METTL24: variants seen among roughly 807,000 people sequenced by gnomAD.
The protein encoded by METTL24 is methyltransferase like 24, also known as probable methyltransferase-like protein 24.
METTL24 carries 29 observed loss-of-function variants against 32.7 expected under a neutral mutation model. The observed-to-expected ratio is 0.89, with a 90% CI of 0.66 to 1.21. The LOEUF (loss-of-function observed/expected upper bound fraction) is 1.21, where lower values mean the gene tolerates loss of function less well. METTL24 is among the 50% of genes most tolerant of loss of function. The probability of loss-of-function intolerance (pLI) is 0.00; values close to 1 mark genes in which losing one functional copy is unlikely to be tolerated. For missense variants in METTL24, 439 were observed against 468.1 expected (o/e 0.94, Z 0.57); for synonymous variants, 163 against 179.5 (o/e 0.91, Z 0.73).
chr6:110,269,508 C>T (rs1770915688), intron 4 of METTL24, among the ~76,000 whole-genome samples: 1 of 151,970 alleles, frequency 6.6e-6, no homozygotes, highest in African/African-American at 2.4e-5. Flanking sequence ...CTTTTTGATC[C>T]CATAGTAGTA....
At chr6:110,265,600 A>G (rs1236365487) in intron 4 of METTL24, among the ~76,000 whole-genome samples, 1 of 152,172 alleles carries the variant, frequency 6.6e-6, no homozygotes, top group Non-Finnish European at 1.5e-5. Flanking sequence ...AAGTTTCCTT[A>G]AAGGAAAAGG....
chr6:110,305,530 C>T lies in METTL24; in HGVS notation c.558-6380G>A, dbSNP rs578147165. 1.2e-4 allele frequency among the ~76,000 whole-genome samples: 14 copies of T among 116,192 alleles called. No homozygotes were observed. The East Asian group carries it at 1.2e-3, about 10-fold the overall frequency. 76.2% of individuals were successfully genotyped at this position (116,192 alleles called of 152,430 possible). On this transcript the variant is annotated intron_variant, in intron 3 of 4. Transcript: ENST00000338882. Reference sequence around the variant, plus strand: ...ATATTGGGCAAAGGATATGAACAGACGCTTTTCAAAAGAAGACATTTATGT... The same window carrying T: ...ATATTGGGCAAAGGATATGAACAGATGCTTTTCAAAAGAAGACATTTATGT...
chr6:110,317,413 G>C (rs1437899694), intron 2 of METTL24, among the ~76,000 whole-genome samples: 1 of 152,116 alleles, frequency 6.6e-6, no homozygotes, highest in Non-Finnish European at 1.5e-5. Context: ...TGCTAATCTA[G>C]TTAGTCAGAA....
chr6:110,303,269 T>C (rs1294815547), intron 3 of METTL24, among the ~76,000 whole-genome samples: 3 of 151,578 alleles, frequency 2.0e-5, no homozygotes, highest in Admixed American at 6.6e-5. Context: ...CTGCAGGAGT[T>C]TTTTTTTTCA....
At chr6:110,258,111 A>G (rs1052224895) in intron 4 of METTL24, among the ~76,000 whole-genome samples, 4 of 152,202 alleles carry the variant, frequency 2.6e-5, no homozygotes, top group Non-Finnish European at 5.9e-5. Flanking sequence ...AGAACCTAAC[A>G]CAGAGTAAGA....
intron 4 of METTL24, among the ~76,000 whole-genome samples, chr6:110,285,343 A>G (rs1467043999): frequency 6.6e-6 from 1 of 152,340 alleles, no homozygotes; most frequent in South Asian, 2.1e-4. Flanking sequence ...TTAACTAAAA[A>G]CGGGGAAATG....
chr6:110,356,694 G>A (rs1406207396), intron 1 of METTL24, among the ~76,000 whole-genome samples: 1 of 152,188 alleles, frequency 6.6e-6, no homozygotes, highest in African/African-American at 2.4e-5. Context: ...TGTGCTGAAT[G>A]TTTAACATGG....
At chr6:110,265,137 GA>G (rs1223037190) in intron 4 of METTL24, among the ~76,000 whole-genome samples, 520 of 2,244 alleles carry the variant, frequency 0.23, 6 homozygotes, top group African/African-American at 0.43. Flanking sequence ...AGGAAAGAAA[GA>G]AAGAAAGAAA....
At chr6:110,328,853 T>C (rs748069541) in intron 1 of METTL24, among the ~76,000 whole-genome samples, 7 of 152,204 alleles carry the variant, frequency 4.6e-5, no homozygotes, top group Non-Finnish European at 1.0e-4. Flanking sequence ...AAAGCTTTCT[T>C]TGTTGTAAAA....
chr6:110,272,047 G>A (rs971642936), intron 4 of METTL24, among the ~76,000 whole-genome samples: 2 of 152,116 alleles, frequency 1.3e-5, no homozygotes, highest in Non-Finnish European at 2.9e-5. Context: ...TTGGTTACAC[G>A]GATAAGTTCT....
At chr6:110,354,844 T>A (rs1290745242) in intron 1 of METTL24, among the ~76,000 whole-genome samples, 1 of 152,222 alleles carries the variant, frequency 6.6e-6, no homozygotes, top group Admixed American at 6.5e-5. Context: ...GAAGGTTAGA[T>A]GTATATCCCG....
intron 4 of METTL24, among the ~76,000 whole-genome samples, chr6:110,295,402 C>T (rs1299881368): frequency 2.6e-5 from 4 of 152,158 alleles, no homozygotes; most frequent in Non-Finnish European, 5.9e-5. Context: ...CAAGTGGACA[C>T]TGAGCCTTGG....
intron 4 of METTL24, among the ~76,000 whole-genome samples, chr6:110,251,970 C>G (rs755320991): frequency 6.6e-5 from 10 of 151,982 alleles, no homozygotes; most frequent in South Asian, 2.1e-4. Context: ...ATGGCGAAAT[C>G]CCTTCTCTAC....
Position 110,249,208 on chromosome 6 carries a change from A to T in METTL24, c.787-2948T>A, listed in dbSNP as rs192144080. ...CAAACGTCTTAAAAATAAACTATCA[A>T]TCAGAAGTTATGAGCAAATCAAAGG... On this transcript the variant is annotated intron_variant, in intron 4 of 4. Coordinates refer to ENST00000338882, the MANE Select transcript of METTL24 (RefSeq NM_001123364.3). 3.3e-3 allele frequency among the ~76,000 whole-genome samples: 507 copies of T among 152,182 alleles called. 8 individuals are homozygous for T. Among genetic ancestry groups the T allele is most frequent in the Admixed American group, 5.8e-3 (89 of 15,280 alleles).
chr6:110,339,540 T>C (rs553163284), intron 1 of METTL24, among the ~76,000 whole-genome samples: 111 of 152,256 alleles, frequency 7.3e-4, no homozygotes, highest in African/African-American at 2.1e-3. Context: ...TTTACAAGTG[T>C]CAAATTCTTG....
At chr6:110,326,084 G>A (rs1196252044) in intron 1 of METTL24, among the ~76,000 whole-genome samples, 1 of 152,156 alleles carries the variant, frequency 6.6e-6, no homozygotes, top group African/African-American at 2.4e-5. Context: ...CTTCCGCAAG[G>A]CAGGTGAGAG....
chr6:110,340,380 G>A (rs1772331146), intron 1 of METTL24, among the ~76,000 whole-genome samples: 1 of 152,140 alleles, frequency 6.6e-6, no homozygotes, highest in Admixed American at 6.5e-5. Context: ...AGTTAAAGAT[G>A]AACACCAGTT....
At chr6:110,334,531 T>C (rs897884249) in intron 1 of METTL24, among the ~76,000 whole-genome samples, 1 of 152,054 alleles carries the variant, frequency 6.6e-6, no homozygotes, top group African/African-American at 2.4e-5. Flanking sequence ...TTGAATCCTC[T>C]CCTCTGAGAC....
At chr6:110,299,271 C>A (rs1440317598) in intron 3 of METTL24, 121 bp from the exon 4 acceptor site, 7 of 800,388 alleles carry the variant, frequency 8.7e-6, no homozygotes, top group Non-Finnish European at 1.4e-5. Context: ...CCTGTTTTAA[C>A]CCATGGCTAA....
Sources: gnomAD v4.1 joint callset for allele counts (sites outside exome capture counted in the v4.1 genomes callset) on GRCh38, gnomAD v4.1.1 for gene constraint, MANE v1.5 for transcripts, NCBI Gene and HGNC (gene_info 2026-07-23, HGNC 2026-07-21) for gene names.